The following PHF14 variants were observed in gnomAD, a reference collection of about 807,000 sequenced individuals.
The protein encoded by PHF14 is PHD finger protein 14.
In PHF14, 55 loss-of-function variants were observed where a neutral mutation model predicts 117.9. The ratio of observed to expected loss-of-function variants is 0.47; its 90% CI spans 0.38 to 0.58. The LOEUF (loss-of-function observed/expected upper bound fraction) is 0.58, where lower values mean the gene tolerates loss of function less well. PHF14 is among the 20% of genes least tolerant of loss of function. The probability of loss-of-function intolerance (pLI) is 0.00; values close to 1 mark genes in which losing one functional copy is unlikely to be tolerated. For missense variants in PHF14, 978 were observed against 1,122.2 expected (o/e 0.87, Z 1.84); for synonymous variants, 409 against 368.6 (o/e 1.11, Z -1.26).
chr7:11,077,029 A>G (rs1785882929), intron 16 of PHF14, among the ~76,000 whole-genome samples: 1 of 151,948 alleles, frequency 6.6e-6, no homozygotes, highest in Admixed American at 6.6e-5. Flanking sequence ...TTTAATTCAT[A>G]TATACTACAT....
chr7:11,051,956 T>A (rs1016330386), intron 14 of PHF14, among the ~76,000 whole-genome samples, 176 bp downstream of exon 14: 1 of 152,162 alleles, frequency 6.6e-6, no homozygotes. Flanking sequence ...ACCTGAGTGT[T>A]TGTAGTTTAT....
chr7:11,024,719 C>T (rs1022527849), intron 6 of PHF14, among the ~76,000 whole-genome samples: 1 of 152,118 alleles, frequency 6.6e-6, no homozygotes, highest in African/African-American at 2.4e-5. Context: ...ACTTACTGCT[C>T]AGAAAAAAGA....
intron 5 of PHF14, among the ~76,000 whole-genome samples, chr7:11,019,641 G>T (rs1783661157): frequency 1.3e-5 from 2 of 151,574 alleles, no homozygotes; most frequent in Non-Finnish European, 2.9e-5. Context: ...TTTTTCCTCA[G>T]CCTGGCTAAA....
intron 4 of PHF14, among the ~76,000 whole-genome samples, chr7:11,008,658 G>A (rs546846657): frequency 6.6e-6 from 1 of 152,198 alleles, no homozygotes; most frequent in South Asian, 2.1e-4. Context: ...AAAAGGTTGG[G>A]GACCAATGCT....
At chr7:11,154,746 T>G (rs912685127) in intron 17 of PHF14, among the ~76,000 whole-genome samples, 1 of 152,104 alleles carries the variant, frequency 6.6e-6, no homozygotes, top group Non-Finnish European at 1.5e-5. Flanking sequence ...GCCCGTGGGG[T>G]GACTTGGAGG....
chr7:11,134,147 C>T (rs980409528), intron 17 of PHF14, among the ~76,000 whole-genome samples: 10 of 151,780 alleles, frequency 6.6e-5, no homozygotes, highest in East Asian at 1.9e-4. Flanking sequence ...TTTTGGGCAG[C>T]GTTCTAAGTT....
intron 16 of PHF14, among the ~76,000 whole-genome samples, chr7:11,083,621 C>T (rs373797547): frequency 1.7e-4 from 26 of 151,970 alleles, no homozygotes; most frequent in Non-Finnish European, 2.5e-4. Flanking sequence ...CCACTACGCC[C>T]GGCTAACTTC....
chr7:11,004,404 T>A (rs1198177037), intron 4 of PHF14, among the ~76,000 whole-genome samples: 5 of 150,700 alleles, frequency 3.3e-5, no homozygotes, highest in African/African-American at 1.2e-4. Flanking sequence ...TATATATTTT[T>A]AATTTAATAG....
In PHF14 at chr7:11,087,482, G is replaced by A. The variant is rs191842072; in HGVS notation, c.2655-23868G>A. On this transcript the variant is annotated intron_variant, in intron 16 of 17. Coordinates refer to ENST00000634607, the MANE Select transcript of PHF14 (RefSeq NM_001007157.2). ...TGGGGTTACAGGCATGAGCCACTGCGCCTGGCCAGCACTGTTCTTCTTTCT... is the reference window on the plus strand; with the variant it reads ...TGGGGTTACAGGCATGAGCCACTGCACCTGGCCAGCACTGTTCTTCTTTCT... 4.6e-5 allele frequency among the ~76,000 whole-genome samples: 7 copies of A among 152,160 alleles called. No individual in the cohort carries two copies. The East Asian group carries it at 5.8e-4, about 13-fold the overall frequency.
At chr7:11,072,738 T>G (rs1785663774) in intron 16 of PHF14, among the ~76,000 whole-genome samples, 1 of 152,150 alleles carries the variant, frequency 6.6e-6, no homozygotes, top group South Asian at 2.1e-4. Context: ...GAAAGTAAGT[T>G]TATTTGGCTC....
intron 2 of PHF14, among the ~76,000 whole-genome samples, chr7:10,977,911 C>T (rs976611270): frequency 1.3e-5 from 2 of 152,122 alleles, no homozygotes; most frequent in Non-Finnish European, 2.9e-5. Flanking sequence ...GACTTATTTA[C>T]ATTTGGTTAT....
At chr7:11,067,020 A>T (rs1785444417) in intron 16 of PHF14, among the ~76,000 whole-genome samples, 1 of 152,190 alleles carries the variant, frequency 6.6e-6, no homozygotes. Context: ...CCATCACCAG[A>T]TGGTAAAAAG....
At chr7:11,092,600 TAAGTTTAAG>T (rs1159029856) in intron 16 of PHF14, among the ~76,000 whole-genome samples, 1 of 152,174 alleles carries the variant, frequency 6.6e-6, no homozygotes, top group African/African-American at 2.4e-5. Flanking sequence ...CCTCAGAGTT[TAAGTTTAAG>T]AAGTTTAAGA....
intron 16 of PHF14, among the ~76,000 whole-genome samples, chr7:11,079,119 C>T (rs919734983): frequency 2.0e-5 from 3 of 152,140 alleles, no homozygotes; most frequent in Non-Finnish European, 4.4e-5. Context: ...CTAACTATTA[C>T]AATGAACTTA....
intron 4 of PHF14, among the ~76,000 whole-genome samples, chr7:11,001,838 C>T (rs960717516): frequency 2.0e-5 from 3 of 152,058 alleles, no homozygotes; most frequent in African/African-American, 7.2e-5. Flanking sequence ...TTCTTTCTTT[C>T]CAGTGTGTAT....
intron 14 of PHF14, among the ~76,000 whole-genome samples, chr7:11,057,503 T>C (rs2128328280): frequency 6.6e-6 from 1 of 152,206 alleles, no homozygotes; most frequent in South Asian, 2.1e-4. Context: ...GCCTCCTGGG[T>C]AGCTGGGATT....
intron 4 of PHF14, among the ~76,000 whole-genome samples, chr7:10,992,032 A>T (rs1479394181): frequency 6.6e-6 from 1 of 151,626 alleles, no homozygotes; most frequent in Non-Finnish European, 1.5e-5. Flanking sequence ...TATTCTATCA[A>T]TTTTTTGTAG....
At chr7:11,154,947 CATA>C (rs1197220583) in intron 17 of PHF14, among the ~76,000 whole-genome samples, 2 of 151,852 alleles carry the variant, frequency 1.3e-5, no homozygotes, top group Non-Finnish European at 2.9e-5. Flanking sequence ...TATTTAATAA[CATA>C]ATGATGGTTA....
At chr7:11,065,690 C>G (rs1401176339) in intron 16 of PHF14, among the ~76,000 whole-genome samples, 1 of 152,094 alleles carries the variant, frequency 6.6e-6, no homozygotes, top group Non-Finnish European at 1.5e-5. Context: ...GAAGTGATTC[C>G]TCTCCTTGAG....
Sources: gnomAD v4.1 joint callset for allele counts (sites outside exome capture counted in the v4.1 genomes callset) on GRCh38, gnomAD v4.1.1 for gene constraint, MANE v1.5 for transcripts, NCBI Gene and HGNC (gene_info 2026-07-23, HGNC 2026-07-21) for gene names.